DDX24: variants seen among roughly 807,000 people sequenced by gnomAD.
DDX24 encodes the protein DEAD-box helicase 24.
Under a neutral mutation model 68.9 loss-of-function variants are expected in DDX24, and 24 were observed. That is an observed-to-expected ratio of 0.35 (90% confidence interval 0.25 to 0.49). The LOEUF is 0.49. Among genes scored for constraint, DDX24 ranks in the 20% least tolerant of loss-of-function variants. The pLI is 0.99. For synonymous variants in DDX24, 395 were observed against 385.2 expected (o/e 1.03, Z -0.30); for missense variants, 989 against 1,039.0 (o/e 0.95, Z 0.66).
rs543064031 is a variant in DDX24, at chr14:94,078,357, T to A, written c.718+668A>T. 1.4e-4 allele frequency among the ~76,000 whole-genome samples: 22 copies of A among 152,332 alleles called. No homozygotes were observed. In the South Asian group the frequency reaches 4.4e-3, roughly 30 times the overall value. On this transcript the variant is annotated intron_variant, in intron 2 of 8. Coordinates refer to ENST00000621632, the MANE Select transcript of DDX24 (RefSeq NM_020414.4). ...ACAGACCAATAGTTCCAGGCAGTACTAGTTCCTCCCCCAAGTCAGCAGTCT... is the reference window on the plus strand; with the variant it reads ...ACAGACCAATAGTTCCAGGCAGTACAAGTTCCTCCCCCAAGTCAGCAGTCT...
chr14:94,058,562 C>T (rs1271786536), intron 5 of DDX24, among the ~76,000 whole-genome samples: 1 of 152,204 alleles, frequency 6.6e-6, no homozygotes, highest in Non-Finnish European at 1.5e-5. Flanking sequence ...TTACTCACTG[C>T]TGTTATTACC....
chr14:94,057,204 G>A (rs1369614559), intron 6 of DDX24: 2 of 152,194 alleles, frequency 1.3e-5, no homozygotes, highest in African/African-American at 4.8e-5. Context: ...AAGCCTGGCA[G>A]TCTGGCTCCG....
At chr14:94,072,407 G>A (rs1414360183) in intron 2 of DDX24, among the ~76,000 whole-genome samples, 1 of 152,202 alleles carries the variant, frequency 6.6e-6, no homozygotes, top group Non-Finnish European at 1.5e-5. Context: ...TTATGAGGAT[G>A]CAAAAGCATA....
Position 94,052,869 on chromosome 14 carries a change from G to C in DDX24, c.2308+129C>G, listed in dbSNP as rs562039408. The C allele has an allele frequency of 3.1e-4, 415 of 1,329,976 alleles. 2 individuals are homozygous for C. In the African/African-American group the frequency reaches 5.3e-3, roughly 17 times the overall value. 82.4% of individuals were successfully genotyped at this position (1,329,976 alleles called of 1,614,324 possible). ...GTAGGCTCACCTGGGACCAGGGCCT[G>C]TTAGCAAAGAGGGGGAAGGACGCCT... On this transcript the variant is annotated intron_variant, in intron 8 of 8. Transcript: ENST00000621632.
intron 8 of DDX24, 40 bp from the exon 9 acceptor site, chr14:94,051,502 T>C: frequency 1.3e-6 from 2 of 1,496,932 alleles, no homozygotes; most frequent in South Asian, 1.4e-5. Flanking sequence ...TTACTATGGT[T>C]TGTAGAAACA....
At chr14:94,053,258 A>G (rs1885423440) in intron 7 of DDX24, 131 bp from the exon 8 acceptor site, 3 of 1,206,858 alleles carry the variant, frequency 2.5e-6, no homozygotes, top group Non-Finnish European at 3.4e-6. Flanking sequence ...GAGCAGTGGC[A>G]TGATCATGGC....
intron 2 of DDX24, among the ~76,000 whole-genome samples, chr14:94,078,303 T>G (rs992459806): frequency 6.6e-6 from 1 of 152,222 alleles, no homozygotes; most frequent in Non-Finnish European, 1.5e-5. Context: ...GATGACTATA[T>G]GTATTTCTAA....
At chr14:94,077,046 T>G (rs1885956871) in intron 2 of DDX24, among the ~76,000 whole-genome samples, 1 of 152,048 alleles carries the variant, frequency 6.6e-6, no homozygotes, top group Admixed American at 6.5e-5. Context: ...CTTAATAACA[T>G]TTTTTCTCTA....
At chr14:94,069,531 T>C (rs1478181190) in intron 2 of DDX24, among the ~76,000 whole-genome samples, 4 of 152,026 alleles carry the variant, frequency 2.6e-5, no homozygotes, top group Non-Finnish European at 4.4e-5. Context: ...ATCACCCTAA[T>C]ACCAAAACCA....
chr14:94,057,426 T>C (rs900272756), intron 6 of DDX24: 1 of 172,012 alleles, frequency 5.8e-6, no homozygotes, highest in Non-Finnish European at 1.2e-5. Context: ...AAAACTGAGA[T>C]ACAGAGAGAT....
Position 94,071,403 on chromosome 14 carries a change from C to T in DDX24, c.718+7622G>A, listed in dbSNP as rs1448258423. 2.0e-5 allele frequency among the ~76,000 whole-genome samples: 3 copies of T among 152,198 alleles called. No homozygotes were observed. In the East Asian group the frequency reaches 5.8e-4, roughly 29 times the overall value. On this transcript the variant is annotated intron_variant, in intron 2 of 8. Coordinates refer to ENST00000621632, the MANE Select transcript of DDX24 (RefSeq NM_020414.4). ...GTTGCTCATGCCTGTAATCCCAGCA[C>T]TTCCGGAGGTTGAGGTGGGCAGATC...
chr14:94,053,168 T>G (rs1395768088), intron 7 of DDX24, 41 bp from the exon 8 acceptor site: 1 of 1,612,870 alleles, frequency 6.2e-7, no homozygotes, highest in African/African-American at 1.3e-5. Flanking sequence ...GAAATAGAGT[T>G]CAGGCCTCTG....
At chr14:94,073,517 C>A (rs1885875409) in intron 2 of DDX24, among the ~76,000 whole-genome samples, 2 of 151,912 alleles carry the variant, frequency 1.3e-5, no homozygotes, top group African/African-American at 2.4e-5. Context: ...CCATGCTAAC[C>A]CCTTAATCAA....
At chr14:94,055,899 T>TA (rs1885483331) in intron 6 of DDX24, 1 of 152,282 alleles carries the variant, frequency 6.6e-6, no homozygotes, top group Non-Finnish European at 1.5e-5. Flanking sequence ...TTAATGCCTC[T>TA]ATATGTCCAA....
At chr14:94,053,754 T>C (rs1212666928) in intron 7 of DDX24, among the ~76,000 whole-genome samples, 1 of 152,066 alleles carries the variant, frequency 6.6e-6, no homozygotes, top group Non-Finnish European at 1.5e-5. Context: ...GCGAAGGTTG[T>C]GGTGAGCCAA....
In DDX24 at chr14:94,079,294, G is replaced by A; in HGVS notation, c.449C>T (p.Thr150Ile). The change falls in exon 2 of 9, where the codon ACT (threonine) becomes ATT (isoleucine). Residue 150 changes from threonine to isoleucine, a missense_variant. By Grantham distance (89) the Thr-to-Ile change is moderately conservative. Transcript: ENST00000621632. ...TTTATTTTTCTTCTTTTTTGGAGCA[G>A]TTTGGACCAGGTTTTCTGATGTCAT... ...GEMTSENLVQ[T>I]APKKKKNKGK... 6.2e-7 allele frequency: 1 copy of A among 1,614,090 alleles called. No individual in the cohort carries two copies. The highest frequency in any genetic ancestry group is 1.1e-5 in the South Asian group (1 of 91,084).
intron 7 of DDX24, 95 bp downstream of exon 7, chr14:94,054,901 T>A: frequency 7.2e-7 from 1 of 1,394,374 alleles, no homozygotes; most frequent in South Asian, 1.3e-5. Context: ...TTCCTTAGTT[T>A]TCAAGGGTTA....
chr14:94,064,345 T>C (rs964243732), intron 2 of DDX24, among the ~76,000 whole-genome samples: 3 of 152,230 alleles, frequency 2.0e-5, no homozygotes, highest in Non-Finnish European at 4.4e-5. Context: ...ATATAAAACC[T>C]TGTGATACCT....
At chr14:94,070,021 G>C (rs1352926713) in intron 2 of DDX24, among the ~76,000 whole-genome samples, 4 of 151,922 alleles carry the variant, frequency 2.6e-5, no homozygotes, top group Non-Finnish European at 5.9e-5. Flanking sequence ...AGAGCAATAA[G>C]ACAAGAGAAA....
Sources: gnomAD v4.1 joint callset for allele counts (sites outside exome capture counted in the v4.1 genomes callset) on GRCh38, gnomAD v4.1.1 for gene constraint, MANE v1.5 for transcripts, NCBI Gene and HGNC (gene_info 2026-07-23, HGNC 2026-07-21) for gene names.